POLR2B: variants seen among roughly 807,000 people sequenced by gnomAD.
POLR2B encodes RNA polymerase II subunit B.
Under a neutral mutation model 144.6 loss-of-function variants are expected in POLR2B, and 57 were observed. The ratio of observed to expected loss-of-function variants is 0.39; its 90% confidence interval spans 0.32 to 0.49. The LOEUF is 0.49. Ranked by LOEUF, POLR2B falls within the 20% of genes least tolerant of loss-of-function variation. The pLI, the probability that POLR2B is intolerant of heterozygous loss-of-function variation, is 0.83. For missense variants in POLR2B, 595 were observed against 1,467.4 expected (o/e 0.41, Z 9.71); for synonymous variants, 442 against 469.8 (o/e 0.94, Z 0.77).
At chr4:56,983,173 C>T (rs1242975712) in intron 1 of POLR2B, among the ~76,000 whole-genome samples, 5 of 152,154 alleles carry the variant, frequency 3.3e-5, no homozygotes, top group African/African-American at 9.7e-5. Context: ...CTTCTTATTC[C>T]ACTTCCAACT....
At chr4:56,998,221 A>G (rs966820945) in intron 6 of POLR2B, among the ~76,000 whole-genome samples, 4 of 143,188 alleles carry the variant, frequency 2.8e-5, no homozygotes, top group African/African-American at 7.7e-5. Context: ...TTTTCTTTAA[A>G]TTTTTTTTTT....
intron 2 of POLR2B, among the ~76,000 whole-genome samples, chr4:56,990,028 A>T (rs559246578): frequency 2.0e-5 from 3 of 152,334 alleles, no homozygotes; most frequent in Non-Finnish European, 4.4e-5. Flanking sequence ...TACCTTTAAG[A>T]ATTCAAAATA....
At chr4:56,994,945 A>C in intron 5 of POLR2B, 79 bp downstream of exon 5, 1 of 861,732 alleles carries the variant, frequency 1.2e-6, no homozygotes, top group Non-Finnish European at 1.8e-6. Flanking sequence ...AAAAAAAAAA[A>C]AGAAAGAAAG....
intron 23 of POLR2B, 80 bp downstream of exon 23, chr4:57,025,617 G>T: frequency 1.1e-6 from 1 of 950,426 alleles, no homozygotes; most frequent in Non-Finnish European, 1.6e-6. Context: ...GGAGATAGTG[G>T]TATAGTGAAT....
chr4:57,030,810 C>A (rs1223315951), intron 24 of POLR2B, 89 bp from the exon 25 acceptor site: 1 of 751,954 alleles, frequency 1.3e-6, no homozygotes, highest in Non-Finnish European at 2.4e-6. Flanking sequence ...TCATTATCTA[C>A]AGTACCAGAT....
chr4:56,994,538 T>C (rs1380829344), intron 4 of POLR2B, 22 bp downstream of exon 4: 1 of 1,489,778 alleles, frequency 6.7e-7, no homozygotes, highest in Non-Finnish European at 9.4e-7. Flanking sequence ...TTTTTCCTTG[T>C]CAGCAGTAGA....
intron 6 of POLR2B, among the ~76,000 whole-genome samples, chr4:56,996,366 C>T (rs1181035762): frequency 2.7e-5 from 4 of 147,540 alleles, no homozygotes; most frequent in Admixed American, 1.4e-4. Context: ...GTGCAAGCTC[C>T]GCCTCCTGGG....
chr4:57,005,605 T>C lies in POLR2B; in HGVS notation c.1103T>C (p.Met368Thr). ...TTCTTTTTTTTTTTTTAAAGATACATGGTTCATAGGTTACTTCTGGCAGCT... is the reference window on the plus strand; with the variant it reads ...TTCTTTTTTTTTTTTTAAAGATACACGGTTCATAGGTTACTTCTGGCAGCT... Reference protein sequence around the residue: ...ETKKAYFLGYMVHRLLLAALG... With the variant: ...ETKKAYFLGYTVHRLLLAALG... Residue 368 changes from methionine to threonine, a missense_variant, in exon 9 of 25, where the codon ATG becomes ACG. Physicochemically the swap from Met to Thr is moderately conservative, Grantham distance 81. Transcript: ENST00000314595. 1.3e-6 allele frequency: 2 copies of C among 1,575,824 alleles called. No individual in the cohort carries two copies. Among genetic ancestry groups the C allele is most frequent in the Non-Finnish European group, 1.7e-6 (2 of 1,164,686 alleles).
chr4:57,005,173 CTAAG>C lies in POLR2B; in HGVS notation c.901-71_901-68del, dbSNP rs567011287. The C allele has an allele frequency of 1.9e-4, 166 of 853,612 alleles. 2 individuals are homozygous for C. In the South Asian group the frequency reaches 3.7e-3, roughly 19 times the overall value. The allele number at this position is 853,612 out of a possible 1,614,324, so 52.9% of individuals were successfully genotyped here. A position where few individuals can be genotyped will look rare whatever the true frequency, so the allele number is the denominator to read the frequency against. ...ATAGGGGTACTTGGCATGTTATAAA[CTAAG>C]TGACAGTTTACTCATTTTAAGGTAG... On this transcript the variant is annotated intron_variant, in intron 7 of 24. Transcript: ENST00000314595.
In POLR2B at chr4:57,030,943, G is replaced by A; in HGVS notation, c.3480G>A (p.Gln1160=). 1 of 1,610,152 alleles carries A rather than the reference G, an allele frequency of 6.2e-7. No individual in the cohort carries two copies. The highest frequency in any genetic ancestry group is 8.5e-7 in the Non-Finnish European group (1 of 1,176,474). Residue 1160 remains glutamine, a synonymous_variant, in exon 25 of 25, where the codon CAG becomes CAA. Coordinates refer to ENST00000314595, the MANE Select transcript of POLR2B (RefSeq NM_000938.3). Reference sequence around the variant, plus strand: ...CTTACGCATGCAAACTATTGTTTCAGGAACTTATGTCTATGAGTATTGCAC... The same window carrying A: ...CTTACGCATGCAAACTATTGTTTCAAGAACTTATGTCTATGAGTATTGCAC... ...RMPYACKLLF[Q]ELMSMSIAPR... is the part of the protein sequence containing the mutation.
intron 3 of POLR2B, among the ~76,000 whole-genome samples, chr4:56,992,591 G>A (rs1274210118): frequency 2.4e-5 from 3 of 124,320 alleles, no homozygotes; most frequent in East Asian, 2.4e-4. Context: ...ACAGAGTCTC[G>A]CCCTGTTGGC....
At chr4:56,989,721 A>G (rs1467994680) in intron 2 of POLR2B, among the ~76,000 whole-genome samples, 1 of 152,208 alleles carries the variant, frequency 6.6e-6, no homozygotes, top group Non-Finnish European at 1.5e-5. Flanking sequence ...GTGGTGGGGC[A>G]CTTCCTACTG....
chr4:57,010,318 C>T, intron 10 of POLR2B, 43 bp from the exon 11 acceptor site: 1 of 1,588,572 alleles, frequency 6.3e-7, no homozygotes, highest in Non-Finnish European at 8.6e-7. Flanking sequence ...TAGTATGAAT[C>T]ACAGAAATGT....
chr4:57,005,256 C>G lies in POLR2B; in HGVS notation c.911C>G (p.Ser304Cys). Residue 304 changes from serine (S) to cysteine (C), a missense_variant, in exon 8 of 25, where the codon TCT becomes TGT. Around this residue, in one of 9 missense-constraint regions of POLR2B, gnomAD observed 251 missense variants for 567.3 expected, o/e 0.44. Coordinates refer to ENST00000314595, the MANE Select transcript of POLR2B (RefSeq NM_000938.3). ...TAAATTGTCTGATAGGTTAAACCTT[C>G]TCTCGATGAAGCTTTTGTCATCCAA... ...DPEMMEMVKP[S>C]LDEAFVIQEQ... 1.9e-6 allele frequency: 3 copies of G among 1,553,720 alleles called. No homozygotes were observed. The highest frequency in any genetic ancestry group is 2.6e-6 in the Non-Finnish European group (3 of 1,154,872).
intron 6 of POLR2B, 79 bp downstream of exon 6, chr4:56,995,488 C>A: frequency 2.0e-6 from 2 of 1,023,556 alleles, no homozygotes; most frequent in Non-Finnish European, 1.4e-6. Context: ...CTTCTTTGTC[C>A]ATAGAAGCTT....
At chr4:57,025,594 A>G (rs1350354849) in intron 23 of POLR2B, 57 bp downstream of exon 23, 2 of 1,201,972 alleles carry the variant, frequency 1.7e-6, no homozygotes, top group Non-Finnish European at 2.4e-6. Flanking sequence ...GAAAAATGTC[A>G]ACACACCAAA....
At chr4:57,009,604 G>GT (rs1723126850) in intron 10 of POLR2B, 1 of 152,136 alleles carries the variant, frequency 6.6e-6, no homozygotes, top group Admixed American at 6.6e-5. Context: ...GAGGGGCTAG[G>GT]TTTTTTAGAA....
At chr4:56,996,639 G>A (rs918051546) in intron 6 of POLR2B, among the ~76,000 whole-genome samples, 61 of 152,070 alleles carry the variant, frequency 4.0e-4, no homozygotes, top group African/African-American at 1.4e-3. Flanking sequence ...ATTTTGATAC[G>A]TGTATACAAT....
chr4:57,008,206 GTTT>G (rs59219952), intron 10 of POLR2B, among the ~76,000 whole-genome samples: 2 of 137,162 alleles, frequency 1.5e-5, no homozygotes, highest in African/African-American at 2.7e-5. Context: ...CAAGGAATTG[GTTT>G]TTTTTTTTTT....
Sources: gnomAD v4.1 joint callset for allele counts (sites outside exome capture counted in the v4.1 genomes callset) on GRCh38, gnomAD v4.1.1 for gene constraint, gnomAD v4.1.1 regional missense constraint, MANE v1.5 for transcripts, NCBI Gene and HGNC (gene_info 2026-07-23, HGNC 2026-07-21) for gene names.